The following ME3 variants were observed in gnomAD, a reference collection of about 807,000 sequenced individuals.
ME3 encodes NADP-dependent malic enzyme, mitochondrial.
ME3 carries 48 observed loss-of-function variants against 68.9 expected under a neutral mutation model. The ratio of observed to expected loss-of-function variants is 0.70; its 90% CI spans 0.55 to 0.89. ME3 has a LOEUF of 0.89. ME3 is among the 40% of genes least tolerant of loss of function. The pLI, the probability that ME3 is intolerant of heterozygous loss-of-function variation, is 0.00. For synonymous variants in ME3, 320 were observed against 318.8 expected, an observed-to-expected ratio of 1.00 and a Z score of -0.04; for missense variants, 675 against 797.4, an observed-to-expected ratio of 0.85 and a Z score of 1.85.
intron 2 of ME3, among the ~76,000 whole-genome samples, chr11:86,636,672 G>T (rs1424712468): frequency 1.3e-5 from 2 of 152,234 alleles, no homozygotes. Flanking sequence ...TTTGGAATCG[G>T]AGCTGCATTT....
At chr11:86,487,514 G>T in intron 6 of ME3, 74 bp from the exon 7 acceptor site, 1 of 1,196,138 alleles carries the variant, frequency 8.4e-7, no homozygotes, top group Non-Finnish European at 1.2e-6. Context: ...CAAGTATCCA[G>T]GATTATTAGG....
intron 4 of ME3, among the ~76,000 whole-genome samples, chr11:86,553,453 G>A (rs7117375): frequency 0.3 from 45,236 of 152,040 alleles, 7,250 homozygotes; most frequent in African/African-American, 0.42. Context: ...GTAAGTCCAA[G>A]CCAGGTCTCA....
intron 2 of ME3, among the ~76,000 whole-genome samples, chr11:86,578,509 G>A (rs79651334): frequency 0.033 from 4,973 of 152,210 alleles, 95 homozygotes; most frequent in Middle Eastern, 0.051. Flanking sequence ...AACTGGACAC[G>A]AGACAACCAA....
At position 86,448,138 on chromosome 11, in the gene ME3, CCCT is replaced by C. The variant is rs1949427651; in HGVS notation, c.1237+9_1237+11del. On this transcript the variant is annotated intron_variant, in intron 11 of 14. Coordinates refer to ENST00000543262, the Ensembl canonical transcript of ME3. ...AGCTGGGCTGGGTAGTGGGTACCCT[CCCT>C]CCTCCTACCTATGATGGCTGTGGGC... The C allele has an allele frequency of 6.3e-7, 1 of 1,587,746 alleles. No individual in the cohort carries two copies. The highest frequency in any genetic ancestry group is 1.3e-5 in the African/African-American group (1 of 74,392).
At chr11:86,465,323 C>T in intron 7 of ME3, 123 bp from the exon 8 acceptor site, 2 of 740,358 alleles carry the variant, frequency 2.7e-6, no homozygotes, top group Non-Finnish European at 4.9e-6. Context: ...ATGGCTCCTT[C>T]ATCTGTGTTT....
chr11:86,567,552 T>G (rs552389744), intron 2 of ME3, among the ~76,000 whole-genome samples: 2 of 152,350 alleles, frequency 1.3e-5, no homozygotes, highest in East Asian at 3.9e-4. Context: ...TATGACATCA[T>G]CTTTGTTAAT....
chr11:86,569,383 C>A (rs548335923), intron 2 of ME3, among the ~76,000 whole-genome samples: 1 of 152,284 alleles, frequency 6.6e-6, no homozygotes, highest in Admixed American at 6.5e-5. Flanking sequence ...TTCTCTGACC[C>A]CTTCCTCCTC....
chr11:86,533,221 GTTTTT>G (rs764052678), intron 4 of ME3, among the ~76,000 whole-genome samples: 4 of 151,936 alleles, frequency 2.6e-5, no homozygotes, highest in African/African-American at 7.3e-5. Flanking sequence ...TAAGAGTTGG[GTTTTT>G]TGAAAAGATA....
chr11:86,570,871 G>C (rs1015276959), intron 2 of ME3, among the ~76,000 whole-genome samples: 7 of 152,142 alleles, frequency 4.6e-5, no homozygotes, highest in Non-Finnish European at 8.8e-5. Flanking sequence ...AGCCAGCATG[G>C]GGGAGTGGGA....
At chr11:86,517,547 T>C (rs1565888254) in intron 4 of ME3, among the ~76,000 whole-genome samples, 1 of 152,272 alleles carries the variant, frequency 6.6e-6, no homozygotes, top group East Asian at 1.9e-4. Context: ...GTCGACATGT[T>C]GGAGCTCTGA....
intron 2 of ME3, among the ~76,000 whole-genome samples, chr11:86,620,374 T>G (rs1167440021): frequency 6.6e-6 from 1 of 152,216 alleles, no homozygotes; most frequent in Non-Finnish European, 1.5e-5. Context: ...TTTTAAAGTT[T>G]TCTATTTCTT....
chr11:86,565,796 A>C (rs1403042569), intron 2 of ME3, among the ~76,000 whole-genome samples: 28 of 152,330 alleles, frequency 1.8e-4, no homozygotes, highest in Non-Finnish European at 1.5e-5. Flanking sequence ...TGTCTTTCAC[A>C]GACCAGCATT....
intron 2 of ME3, among the ~76,000 whole-genome samples, chr11:86,657,045 T>G (rs1945938393): frequency 6.6e-6 from 1 of 152,210 alleles, no homozygotes; most frequent in African/African-American, 2.4e-5. Flanking sequence ...TTAACCATTG[T>G]GGAAGACAGT....
intron 4 of ME3, among the ~76,000 whole-genome samples, chr11:86,532,282 G>A (rs1201239641): frequency 6.6e-6 from 1 of 152,096 alleles, no homozygotes; most frequent in East Asian, 1.9e-4. Context: ...AATAGCAGAA[G>A]ACCTCAATCT....
chr11:86,546,676 G>A (rs962766195), intron 4 of ME3, among the ~76,000 whole-genome samples: 5 of 152,186 alleles, frequency 3.3e-5, no homozygotes, highest in Admixed American at 3.3e-4. Context: ...ACAGATGCTG[G>A]AGAGGATATG....
chr11:86,652,336 GC>G, intron 2 of ME3, among the ~76,000 whole-genome samples: 1 of 152,194 alleles, frequency 6.6e-6, no homozygotes, highest in Non-Finnish European at 1.5e-5. Context: ...GTTAAGGGCA[GC>G]CAGAGAAAAG....
chr11:86,475,320 G>GAT (rs1162447020), intron 7 of ME3, among the ~76,000 whole-genome samples: 2 of 152,134 alleles, frequency 1.3e-5, no homozygotes, highest in African/African-American at 4.8e-5. Context: ...TTCACCATGT[G>GAT]ATATACCTTC....
At chr11:86,496,881 G>A (rs7130920) in intron 6 of ME3, among the ~76,000 whole-genome samples, 127,296 of 151,892 alleles carry the variant, frequency 0.84, 53,600 homozygotes, top group Non-Finnish European at 0.87. Context: ...TTATAAGTGC[G>A]TGGAAAAAAA....
At chr11:86,549,296 A>T (rs1028238869) in intron 4 of ME3, among the ~76,000 whole-genome samples, 4 of 152,148 alleles carry the variant, frequency 2.6e-5, no homozygotes, top group Non-Finnish European at 4.4e-5. Flanking sequence ...AGCTCTAGGG[A>T]CCACTCTTTC....
Sources: gnomAD v4.1 joint callset for allele counts (sites outside exome capture counted in the v4.1 genomes callset) on GRCh38, gnomAD v4.1.1 for gene constraint, MANE v1.5 for transcripts, NCBI Gene and HGNC (gene_info 2026-07-23, HGNC 2026-07-21) for gene names.